ARMC12: variants seen among roughly 807,000 people sequenced by gnomAD.
ARMC12 encodes the protein armadillo repeat-containing protein 12.
ARMC12 carries 25 observed loss-of-function variants against 37.4 expected under a neutral mutation model. The ratio of observed to expected loss-of-function variants is 0.67; its 90% CI spans 0.49 to 0.93. The LOEUF (loss-of-function observed/expected upper bound fraction) is 0.93. ARMC12 is among the 40% of genes least tolerant of loss of function. The pLI, the probability that ARMC12 is intolerant of heterozygous loss-of-function variation, is 0.00. For synonymous variants in ARMC12, 167 were observed against 176.1 expected, an observed-to-expected ratio of 0.95 and a Z score of 0.41; for missense variants, 384 against 426.6, an observed-to-expected ratio of 0.90 and a Z score of 0.88.
Position 35,748,924 on chromosome 6 carries a change from G to A in ARMC12, c.*54G>A. 1 of 1,519,270 alleles carries A rather than the reference G, an allele frequency of 6.6e-7. No homozygotes were observed. Among genetic ancestry groups the A allele is most frequent in the Non-Finnish European group, 8.9e-7 (1 of 1,128,896 alleles). 94.1% of individuals were successfully genotyped at this position (1,519,270 alleles called of 1,614,324 possible). On this transcript the variant is annotated 3_prime_UTR_variant, in exon 6 of 6. Coordinates refer to ENST00000373866, the MANE Select transcript of ARMC12 (RefSeq NM_001286574.2). ...GGAGAGAAACTTGAAGTTTCTTGAA[G>A]CTCGAATGTCTGTTGGTGGCCTTCC...
intron 3 of ARMC12, among the ~76,000 whole-genome samples, chr6:35,744,266 C>G (rs1767269842): frequency 6.6e-6 from 1 of 151,984 alleles, no homozygotes; most frequent in African/African-American, 2.4e-5. Flanking sequence ...CTCACCCTCC[C>G]AAGTAGCTGG....
chr6:35,732,062 TA>T (rs1318884219), upstream of ARMC12, among the ~76,000 whole-genome samples: 3 of 150,182 alleles, frequency 2.0e-5, no homozygotes, highest in African/African-American at 7.4e-5. Context: ...GGGGAGGAGG[TA>T]GTCCGGGGAG....
At position 35,747,591 on chromosome 6, in the gene ARMC12, C is replaced by T. The variant is rs1343667826; in HGVS notation, c.634C>T (p.Leu212=). 1.9e-6 allele frequency: 3 copies of T among 1,614,228 alleles called. No homozygotes were observed. In the Admixed American group the frequency reaches 5.0e-5, roughly 27 times the overall value. ...CTTTATTCAGGTGCAAGCCGTACGA[C>T]TGCTGAGCTACCTGGCACAGAAGAA... ...YILAQVQAVR[L]LSYLAQKNDL... Residue 212 remains leucine (L), a synonymous_variant, in exon 5 of 6, where the codon CTG becomes TTG. Coordinates refer to ENST00000373866, the MANE Select transcript of ARMC12 (RefSeq NM_001286574.2).
At position 35,737,181 on chromosome 6, in the gene ARMC12, G is replaced by A. The variant is rs1054782659; in HGVS notation, c.73G>A (p.Ala25Thr). The change falls in exon 1 of 6, where the codon GCC becomes ACC. Residue 25 changes from alanine to threonine, a missense_variant. By Grantham distance (58) the Ala-to-Thr change is moderately conservative. Coordinates refer to ENST00000373866, the MANE Select transcript of ARMC12 (RefSeq NM_001286574.2). ...AAGCGTAGTCAGCCTGGCCACAGGC[G>A]CCGGGGCGATCTACCTGCTCTACAA... is the stretch of plus-strand genomic sequence containing the variant. ...RKSVVSLATG[A>T]GAIYLLYKAI... 3.1e-6 allele frequency: 5 copies of A among 1,614,122 alleles called. No individual in the cohort carries two copies. Among genetic ancestry groups the A allele is most frequent in the Non-Finnish European group, 3.4e-6 (4 of 1,180,050 alleles).
intron 3 of ARMC12, among the ~76,000 whole-genome samples, chr6:35,742,745 C>G (rs1767212058): frequency 1.3e-5 from 2 of 152,122 alleles, no homozygotes; most frequent in Admixed American, 6.6e-5. Context: ...CCCCTGCCTT[C>G]CCCATGGGCA....
Position 35,747,253 on chromosome 6 carries a change from C to G in ARMC12, c.445-8C>G. The G allele has an allele frequency of 1.2e-6, 2 of 1,608,404 alleles. No homozygotes were observed. Among genetic ancestry groups the G allele is most frequent in the South Asian group, 1.1e-5 (1 of 90,626 alleles). On this transcript the variant is annotated splice_region_variant and splice_polypyrimidine_tract_variant and intron_variant, in intron 3 of 5. Coordinates refer to ENST00000373866, the MANE Select transcript of ARMC12 (RefSeq NM_001286574.2). ...AAAAGTAAGCCCTTTTGTTCTCCCCCACTCCAGGAACACTCCATCAAAGTA... is the reference window on the plus strand; with the variant it reads ...AAAAGTAAGCCCTTTTGTTCTCCCCGACTCCAGGAACACTCCATCAAAGTA...
intron 3 of ARMC12, 112 bp from the exon 4 acceptor site, chr6:35,747,149 C>A: frequency 8.7e-7 from 1 of 1,148,080 alleles, no homozygotes; most frequent in South Asian, 1.7e-5. Flanking sequence ...GGAGAATTGT[C>A]TATTGGGTTT....
intron 3 of ARMC12, among the ~76,000 whole-genome samples, chr6:35,743,932 T>G: frequency 6.9e-6 from 1 of 144,516 alleles, no homozygotes; most frequent in African/African-American, 2.6e-5. Flanking sequence ...TTGATGGGAG[T>G]GAGACTCCAT....
chr6:35,735,425 C>T (rs1766934906), upstream of ARMC12: 1 of 152,362 alleles, frequency 6.6e-6, no homozygotes, highest in Non-Finnish European at 1.5e-5. This position sits in a 1 kb window ranked among gnomAD's most constrained non-coding sequence, Gnocchi z 4.0. Flanking sequence ...ATAGAATGGC[C>T]ACCCAGGAGT....
chr6:35,739,967 G>A (rs984652969), intron 3 of ARMC12, among the ~76,000 whole-genome samples: 44 of 152,326 alleles, frequency 2.9e-4, no homozygotes, highest in African/African-American at 1.0e-3. Context: ...GCAACCAGAA[G>A]CTATCCAAGG....
At chr6:35,733,503 A>T (rs2817037), upstream of ARMC12, among the ~76,000 whole-genome samples, 1 of 152,076 alleles carries the variant, frequency 6.6e-6, no homozygotes, top group Non-Finnish European at 1.5e-5. Context: ...AGCTAAGTCC[A>T]TGACTAAACT....
At chr6:35,736,135 A>G (rs1466477465), upstream of ARMC12, among the ~76,000 whole-genome samples, 1 of 152,208 alleles carries the variant, frequency 6.6e-6, no homozygotes, top group Non-Finnish European at 1.5e-5. Context: ...GCTAAGTACA[A>G]GATTCTATGC....
At chr6:35,739,301 T>C (rs1435119156) in intron 3 of ARMC12, among the ~76,000 whole-genome samples, 3 of 152,262 alleles carry the variant, frequency 2.0e-5, no homozygotes, top group African/African-American at 4.8e-5. Flanking sequence ...TCAGAACTTA[T>C]ATACCTTCTA....
chr6:35,743,920 G>A (rs1193181342), intron 3 of ARMC12, among the ~76,000 whole-genome samples: 1 of 149,260 alleles, frequency 6.7e-6, no homozygotes, highest in Non-Finnish European at 1.5e-5. Flanking sequence ...ACTCCAGCCT[G>A]TTTGATGGGA....
rs1198146970 is a variant in ARMC12, at chr6:35,749,051, C to T, written c.*181C>T. On this transcript the variant is annotated 3_prime_UTR_variant, in exon 6 of 6. Transcript: ENST00000373866. ...CATCCCCACTTCTATGTTTGGGGGA[C>T]TAGCTCCCCTCTTCTCTTGCTGCTT... 1.8e-6 allele frequency: 1 copy of T among 558,264 alleles called. No individual in the cohort carries two copies. Among genetic ancestry groups the T allele is most frequent in the Admixed American group, 3.6e-5 (1 of 27,854 alleles). 34.6% of individuals were successfully genotyped at this position (558,264 alleles called of 1,614,324 possible).
At position 35,737,282 on chromosome 6, in the gene ARMC12, G is replaced by C. The variant is rs56183341; in HGVS notation, c.163+11G>C. 3.1e-6 allele frequency: 5 copies of C among 1,614,102 alleles called. No individual in the cohort carries two copies. The African/African-American group carries it at 4.0e-5, about 13-fold the overall frequency. ...CCATCTGCATCGCCCGTGAGTGTCCGGGCCCTGGGGAGAGGGCTCTGCCCC... is the reference window on the plus strand; with the variant it reads ...CCATCTGCATCGCCCGTGAGTGTCCCGGCCCTGGGGAGAGGGCTCTGCCCC... On this transcript the variant is annotated intron_variant, in intron 1 of 5. Transcript: ENST00000373866.
At chr6:35,743,223 T>C (rs1767229685) in intron 3 of ARMC12, among the ~76,000 whole-genome samples, 1 of 151,852 alleles carries the variant, frequency 6.6e-6, no homozygotes, top group Non-Finnish European at 1.5e-5. Context: ...TTACTTTTTT[T>C]TTTTTTTTTT....
upstream of ARMC12, among the ~76,000 whole-genome samples, chr6:35,733,195 TAAA>T (rs765718679): frequency 6.6e-6 from 1 of 151,104 alleles, no homozygotes; most frequent in Non-Finnish European, 1.5e-5. Flanking sequence ...AGAGAAAAAA[TAAA>T]AAAGACGACC....
At chr6:35,740,397 C>T (rs868203354) in intron 3 of ARMC12, among the ~76,000 whole-genome samples, 5 of 152,110 alleles carry the variant, frequency 3.3e-5, no homozygotes, top group South Asian at 4.1e-4. Context: ...TGATTGCTTA[C>T]GCTCCGCTCC....
Sources: allele counts gnomAD v4.1 joint callset (sites outside exome capture counted in the v4.1 genomes callset), GRCh38; gene constraint gnomAD v4.1.1; non-coding constraint Gnocchi (gnomAD v3.1); transcripts MANE v1.5; gene names NCBI Gene and HGNC (gene_info 2026-07-23, HGNC 2026-07-21).